The following TBL1X variants were observed in gnomAD, a reference collection of about 807,000 sequenced individuals.
TBL1X encodes the protein transducin beta like 1 X-linked.
Under a neutral mutation model 50.7 loss-of-function variants are expected in TBL1X, and 10 were observed. That is an observed-to-expected ratio of 0.20 (90% CI 0.12 to 0.33). The LOEUF is 0.33. Among genes scored for constraint, TBL1X ranks in the 10% least tolerant of loss-of-function variants. The pLI is 1.00. For synonymous variants in TBL1X, 190 were observed against 214.7 expected (o/e 0.88, Z 1.01); for missense variants, 340 against 504.4 (o/e 0.67, Z 3.12).
chrX:9,630,610 T>C (rs953443763), intron 2 of TBL1X, among the ~76,000 whole-genome samples: 1 of 112,594 alleles, frequency 8.9e-6, no homozygotes, highest in African/African-American at 3.2e-5. Context: ...TAAAAATATT[T>C]TTTTTCTTTC....
intron 3 of TBL1X, among the ~76,000 whole-genome samples, chrX:9,650,869 T>G (rs749003730): frequency 9.0e-6 from 1 of 111,644 alleles, no homozygotes; most frequent in South Asian, 3.7e-4. Context: ...TCTTTATAAT[T>G]ATTTCCTTTA....
chrX:9,515,544 C>A (rs2082077434), intron 2 of TBL1X, among the ~76,000 whole-genome samples: 1 of 112,099 alleles, frequency 8.9e-6, no homozygotes, highest in South Asian at 3.7e-4. Context: ...CGAACATCCC[C>A]GTCCAGGAAT....
intron 2 of TBL1X, among the ~76,000 whole-genome samples, chrX:9,550,949 G>A (rs2082267719): frequency 9.1e-6 from 1 of 109,933 alleles, no homozygotes; most frequent in East Asian, 2.8e-4. Context: ...ACATCCTACA[G>A]TGTGCAGGAC....
chrX:9,475,272 T>TG (rs2081842474), intron 1 of TBL1X, among the ~76,000 whole-genome samples: 1 of 111,711 alleles, frequency 9.0e-6, no homozygotes, highest in African/African-American at 3.3e-5. Context: ...TTTGTTTTTT[T>TG]GAGATGGAGT....
chrX:9,687,489 C>T (rs1215413869), intron 6 of TBL1X, among the ~76,000 whole-genome samples: 1 of 111,135 alleles, frequency 9.0e-6, no homozygotes. Context: ...AGGTCTTCTC[C>T]ACCGCAGCAC....
chrX:9,507,249 G>T (rs772882875), intron 2 of TBL1X, among the ~76,000 whole-genome samples: 1 of 112,123 alleles, frequency 8.9e-6, no homozygotes, highest in Non-Finnish European at 1.9e-5. Context: ...GAAGTCTCAG[G>T]ATACAAAATC....
intron 2 of TBL1X, among the ~76,000 whole-genome samples, chrX:9,509,482 CT>C (rs63110360): frequency 0.018 from 1,125 of 63,468 alleles, 14 homozygotes; most frequent in African/African-American, 0.067. Context: ...TACAGAATCG[CT>C]TTTTTTTTTT....
At chrX:9,560,294 A>G (rs1230335137) in intron 2 of TBL1X, among the ~76,000 whole-genome samples, 1 of 112,353 alleles carries the variant, frequency 8.9e-6, no homozygotes, top group Non-Finnish European at 1.9e-5. Context: ...TACAGGTGAG[A>G]ACAGGAGGTA....
intron 2 of TBL1X, among the ~76,000 whole-genome samples, chrX:9,585,340 T>TCCCCCCCCC (rs397840236): frequency 2.4e-4 from 14 of 58,123 alleles, no homozygotes; most frequent in Non-Finnish European, 3.0e-4. Context: ...CCCCCTCCCC[T>TCCCCCCCCC]CCCCCCCCCG....
At chrX:9,570,429 C>CT (rs1442490956) in intron 2 of TBL1X, among the ~76,000 whole-genome samples, 20 of 111,389 alleles carry the variant, frequency 1.8e-4, no homozygotes, top group Non-Finnish European at 3.8e-4. Flanking sequence ...CAGTGAATTT[C>CT]TTTATGATGG....
intron 2 of TBL1X, among the ~76,000 whole-genome samples, chrX:9,530,402 G>A (rs1286220756): frequency 5.3e-5 from 6 of 112,522 alleles, no homozygotes; most frequent in Non-Finnish European, 1.1e-4. Context: ...GATTTTGCCA[G>A]GACCATTTAA....
rs1480011009 is a variant in TBL1X at position 9,711,759 on chromosome X, C to T, written c.1588C>T (p.His530Tyr). ...LASGSFDKCVHIWNTQSGNLV... is the reference protein window; with the variant it reads ...LASGSFDKCVYIWNTQSGNLV... Reference sequence around the variant, plus strand: ...CAGTGGATCCTTCGACAAGTGCGTCCATATCTGGAATACTCAGGTAAGCTC... The same window carrying T: ...CAGTGGATCCTTCGACAAGTGCGTCTATATCTGGAATACTCAGGTAAGCTC... The change falls in exon 16 of 18, where the codon CAT becomes TAT. Residue 530 changes from histidine (H) to tyrosine (Y), a missense_variant. Transcript: ENST00000645353. 1 of 1,200,323 alleles carries T rather than the reference C, an allele frequency of 8.3e-7. No homozygotes were observed. The highest frequency in any genetic ancestry group is 1.8e-5 in the South Asian group (1 of 55,321).
chrX:9,624,345 G>A (rs1385686729), intron 2 of TBL1X, among the ~76,000 whole-genome samples: 1 of 111,980 alleles, frequency 8.9e-6, no homozygotes, highest in Non-Finnish European at 1.9e-5. Flanking sequence ...TTCACTTAAA[G>A]GACATCTTCA....
intron 2 of TBL1X, among the ~76,000 whole-genome samples, chrX:9,532,134 G>A (rs2082165382): frequency 9.0e-6 from 1 of 111,671 alleles, no homozygotes; most frequent in African/African-American, 3.3e-5. Flanking sequence ...GGCCTCCTGA[G>A]CTGCGCACAT....
chrX:9,714,445 G>T (rs762406331), intron 16 of TBL1X, among the ~76,000 whole-genome samples: 6 of 111,619 alleles, frequency 5.4e-5, no homozygotes, highest in Admixed American at 1.9e-4. Context: ...AGGGAGGAAG[G>T]TAGGGGGAAG....
chrX:9,554,321 C>T (rs1166133747), intron 2 of TBL1X, among the ~76,000 whole-genome samples: 2 of 112,581 alleles, frequency 1.8e-5, no homozygotes, highest in African/African-American at 6.5e-5. Flanking sequence ...GAATTATTAA[C>T]TCCGAATAAG....
intron 1 of TBL1X, among the ~76,000 whole-genome samples, chrX:9,477,937 G>T (rs1472701257): frequency 6.3e-5 from 7 of 111,732 alleles, no homozygotes; most frequent in Non-Finnish European, 7.5e-5. Flanking sequence ...GTATCTCTGT[G>T]CTTGGTCGAA....
intron 5 of TBL1X, among the ~76,000 whole-genome samples, chrX:9,656,945 A>G (rs2082868289): frequency 8.9e-6 from 1 of 111,807 alleles, no homozygotes; most frequent in Admixed American, 9.5e-5. Context: ...AAAAAGGAAA[A>G]CATTTCCCTG....
At chrX:9,707,271 C>G (rs1290763400) in intron 13 of TBL1X, among the ~76,000 whole-genome samples, 8 of 111,514 alleles carry the variant, frequency 7.2e-5, no homozygotes, top group Non-Finnish European at 1.1e-4. Context: ...CAAAGGAAGG[C>G]GCTTTTAGAG....
Sources: gnomAD v4.1 joint callset for allele counts (sites outside exome capture counted in the v4.1 genomes callset) on GRCh38, gnomAD v4.1.1 for gene constraint, MANE v1.5 for transcripts, NCBI Gene and HGNC (gene_info 2026-07-23, HGNC 2026-07-21) for gene names.